Variants in FBLN1 observed in about 807,000 individuals in gnomAD.
FBLN1 encodes the protein fibulin-1.
FBLN1 carries 34 observed loss-of-function variants against 89.7 expected under a neutral mutation model. The observed-to-expected ratio is 0.38, with a 90% CI of 0.29 to 0.50. The LOEUF is 0.50. Ranked by LOEUF, FBLN1 falls within the 20% of genes least tolerant of loss-of-function variation. The pLI is 0.92. For synonymous variants in FBLN1, 393 were observed against 391.3 expected, an observed-to-expected ratio of 1.00 and a Z score of -0.05; for missense variants, 777 against 988.1, an observed-to-expected ratio of 0.79 and a Z score of 2.86.
At chr22:45,546,935 C>T in intron 11 of FBLN1, 150 bp from the exon 12 acceptor site, 2 of 1,242,964 alleles carry the variant, frequency 1.6e-6, no homozygotes, top group Admixed American at 1.8e-5. Flanking sequence ...GACGCCTCTC[C>T]CTCGGCCACA....
chr22:45,518,379 C>T (rs2088199431), intron 1 of FBLN1, among the ~76,000 whole-genome samples: 1 of 152,120 alleles, frequency 6.6e-6, no homozygotes, highest in African/African-American at 2.4e-5. Context: ...GCATCTCCAG[C>T]ATGTGGCTGG....
At chr22:45,509,879 G>C (rs1407926936) in intron 1 of FBLN1, among the ~76,000 whole-genome samples, 1 of 152,106 alleles carries the variant, frequency 6.6e-6, no homozygotes, top group Non-Finnish European at 1.5e-5. Flanking sequence ...AGACAATGCT[G>C]TGGGGCAGGT....
intron 1 of FBLN1, among the ~76,000 whole-genome samples, chr22:45,511,942 A>T (rs367707251): frequency 6.6e-6 from 1 of 152,150 alleles, no homozygotes; most frequent in Non-Finnish European, 1.5e-5. Flanking sequence ...TCTAACTCAC[A>T]TGGTCAGATG....
chr22:45,577,200 C>G lies in FBLN1; in HGVS notation c.1972+92C>G, dbSNP rs2089005253. 7.6e-6 allele frequency: 11 copies of G among 1,453,618 alleles called. No homozygotes were observed. Among genetic ancestry groups the G allele is most frequent in the Non-Finnish European group, 1.0e-5 (11 of 1,050,404 alleles). 90.0% of individuals were successfully genotyped at this position (1,453,618 alleles called of 1,614,324 possible). On this transcript the variant is annotated intron_variant, in intron 16 of 16. Transcript: ENST00000327858. The surrounding 1 kb of genome is among the most constrained non-coding windows in gnomAD (Gnocchi z 6.6). The stretch of plus-strand genomic sequence containing the variant: ...CCCAGCCCAACTCCCATCTGAGTCC[C>G]CTCCCCAAATTCAAGCCCACCCAAC...
intron 16 of FBLN1, among the ~76,000 whole-genome samples, chr22:45,598,956 G>A (rs2089208716): frequency 6.6e-6 from 1 of 152,258 alleles, no homozygotes; most frequent in African/African-American, 2.4e-5. Context: ...TGCGTACAGA[G>A]TATGGGAGAG....
intron 1 of FBLN1, among the ~76,000 whole-genome samples, chr22:45,515,636 G>A (rs1047065430): frequency 6.6e-6 from 1 of 152,198 alleles, no homozygotes; most frequent in African/African-American, 2.4e-5. Context: ...CCGCACACCA[G>A]CACCCGGCTG....
intron 14 of FBLN1, chr22:45,564,952 C>T (rs933914006): frequency 6.2e-7 from 1 of 1,614,142 alleles, no homozygotes. Context: ...AGGGTTCTTC[C>T]ATGGAAGCAG....
At chr22:45,552,305 A>G (rs1023247674) in intron 14 of FBLN1, among the ~76,000 whole-genome samples, 2 of 152,132 alleles carry the variant, frequency 1.3e-5, no homozygotes, top group Non-Finnish European at 2.9e-5. Context: ...CGGCGGGAGT[A>G]TGGACACATG....
intron 16 of FBLN1, among the ~76,000 whole-genome samples, chr22:45,596,592 A>G (rs1037025137): frequency 2.0e-5 from 3 of 149,446 alleles, no homozygotes; most frequent in African/African-American, 7.3e-5. Context: ...ATATCAACAT[A>G]AGAATATGAT....
chr22:45,524,951 G>A (rs1372653789), intron 2 of FBLN1, among the ~76,000 whole-genome samples: 1 of 152,108 alleles, frequency 6.6e-6, no homozygotes, highest in Non-Finnish European at 1.5e-5. Flanking sequence ...AGGTGTGGTG[G>A]CGCATGCCTG....
intron 2 of FBLN1, among the ~76,000 whole-genome samples, chr22:45,521,911 C>G (rs1478653148): frequency 1.3e-5 from 2 of 152,102 alleles, no homozygotes; most frequent in African/African-American, 2.4e-5. Flanking sequence ...CAAGAATCCT[C>G]TTAATAGTGA....
At chr22:45,538,254 T>C (rs1473072893) in intron 8 of FBLN1, among the ~76,000 whole-genome samples, 1 of 152,250 alleles carries the variant, frequency 6.6e-6, no homozygotes, top group South Asian at 2.1e-4. Flanking sequence ...CCCCTTTTCA[T>C]GTGCTCTCAA....
intron 16 of FBLN1, among the ~76,000 whole-genome samples, chr22:45,591,990 G>A (rs2089141470): frequency 6.7e-6 from 1 of 149,790 alleles, no homozygotes; most frequent in South Asian, 2.2e-4. Flanking sequence ...TTGCAGACAG[G>A]AGGGAGGAAG....
chr22:45,600,502 G>A lies in FBLN1; in HGVS notation c.*56G>A. On this transcript the variant is annotated 3_prime_UTR_variant, in exon 17 of 17. Coordinates refer to ENST00000327858, the MANE Select transcript of FBLN1 (RefSeq NM_006486.3). Reference sequence around the variant, plus strand: ...CCTCCAGGCCAAATCATTGCTGCCAGTGACTGTGGTCTGTACTTGTTTATA... The same window carrying A: ...CCTCCAGGCCAAATCATTGCTGCCAATGACTGTGGTCTGTACTTGTTTATA... 1 of 1,607,054 alleles carries A rather than the reference G, an allele frequency of 6.2e-7. No individual in the cohort carries two copies. The highest frequency in any genetic ancestry group is 8.5e-7 in the Non-Finnish European group (1 of 1,173,654).
chr22:45,502,923 G>A lies in FBLN1; in HGVS notation c.-63G>A. On this transcript the variant is annotated 5_prime_UTR_variant, in exon 1 of 17. Coordinates refer to ENST00000327858, the MANE Select transcript of FBLN1 (RefSeq NM_006486.3). ...TCGGCCGGAGCGTGGAGCCCGCGCC[G>A]CTGCCCCAGGACCGCGCCCGCGCCT... 2 of 696,318 alleles carry A rather than the reference G, an allele frequency of 2.9e-6. No individual in the cohort carries two copies. The highest frequency in any genetic ancestry group is 3.6e-6 in the Non-Finnish European group (2 of 556,776). The allele number at this position is 696,318 out of a possible 1,614,324, so 43.1% of individuals were successfully genotyped here.
At chr22:45,585,717 C>A (rs898498442) in intron 16 of FBLN1, among the ~76,000 whole-genome samples, 1 of 152,118 alleles carries the variant, frequency 6.6e-6, no homozygotes, top group African/African-American at 2.4e-5. Flanking sequence ...GGGGTGTCAC[C>A]GAGGGTTCCA....
At chr22:45,569,139 T>G (rs2088929328) in intron 14 of FBLN1, among the ~76,000 whole-genome samples, 4 of 152,200 alleles carry the variant, frequency 2.6e-5, no homozygotes, top group Admixed American at 2.0e-4. Flanking sequence ...TTGACATCTT[T>G]CTTGGAAGGA....
chr22:45,523,273 C>G (rs907465708), intron 2 of FBLN1: 105 of 676,678 alleles, frequency 1.6e-4, no homozygotes, highest in Non-Finnish European at 2.0e-4. Context: ...GGAGGAAGCA[C>G]CAGATACAAG....
In FBLN1 at chr22:45,533,468, C is replaced by T. The variant is rs80681; in HGVS notation, c.647-293C>T. Among the ~76,000 whole-genome samples the T allele has an allele frequency of 0.89, 136,012 of 152,292 alleles. 60,792 individuals are homozygous for T. The highest frequency in any genetic ancestry group is 0.96 in the East Asian group (4,957 of 5,168). ...ACATCCTTCAGCCTCTCCTGGCCCC[C>T]GCGTCTGTGAGATGGGGGAGATGGA... On this transcript the variant is annotated intron_variant, in intron 6 of 16. Coordinates refer to ENST00000327858, the MANE Select transcript of FBLN1 (RefSeq NM_006486.3).
Sources: allele counts gnomAD v4.1 joint callset (sites outside exome capture counted in the v4.1 genomes callset), GRCh38; gene constraint gnomAD v4.1.1; non-coding constraint Gnocchi (gnomAD v3.1); transcripts MANE v1.5; gene names NCBI Gene and HGNC (gene_info 2026-07-23, HGNC 2026-07-21).